Variants in ADGRG6 observed in about 807,000 individuals in gnomAD.
ADGRG6 encodes the protein G-protein coupled receptor 126.
ADGRG6 carries 84 observed loss-of-function variants against 142.4 expected under a neutral mutation model. The ratio of observed to expected loss-of-function variants is 0.59; its 90% CI spans 0.49 to 0.71. The LOEUF is 0.71. Ranked by LOEUF, ADGRG6 falls within the 30% of genes least tolerant of loss-of-function variation. The pLI is 0.00. For synonymous variants in ADGRG6, 521 were observed against 520.5 expected (o/e 1.00, Z -0.01); for missense variants, 1,367 against 1,466.6 (o/e 0.93, Z 1.11).
At chr6:142,411,005 T>C (rs2115052552) in intron 17 of ADGRG6, among the ~76,000 whole-genome samples, 1 of 152,258 alleles carries the variant, frequency 6.6e-6, no homozygotes, top group African/African-American at 2.4e-5. Context: ...TGAGTCTTCT[T>C]TTTGTGGAAG....
intron 18 of ADGRG6, among the ~76,000 whole-genome samples, chr6:142,412,385 C>T (rs144540128): frequency 2.4e-4 from 37 of 152,204 alleles, no homozygotes; most frequent in Admixed American, 9.8e-4. Context: ...TGTTTATTCC[C>T]GCCTTTAAAT....
chr6:142,413,904 C>CACACACAA (rs1361383508), intron 18 of ADGRG6, among the ~76,000 whole-genome samples: 2 of 126,304 alleles, frequency 1.6e-5, no homozygotes, highest in African/African-American at 7.7e-5. Context: ...CTTTATCACA[C>CACACACAA]ACACACACAC....
Position 142,351,037 on chromosome 6 carries a change from C to T in ADGRG6, c.104-16532C>T, listed in dbSNP as rs1780147056. Among the ~76,000 whole-genome samples, 4 of 152,050 alleles carry T rather than the reference C, an allele frequency of 2.6e-5. No homozygotes were observed. The South Asian group carries it at 8.3e-4, about 32-fold the overall frequency. On this transcript the variant is annotated intron_variant, in intron 2 of 24. Transcript: ENST00000367609. ...GATCACGAGGTCAGGAGATTGAGAC[C>T]ATCCTGGCTAACACGGTGAAACCCC...
chr6:142,409,895 G>T lies in ADGRG6; in HGVS notation c.2410G>T (p.Ala804Ser). The change falls in exon 17 of 25, where the codon GCC becomes TCC. Residue 804 changes from alanine to serine, a missense_variant. By Grantham distance (99) the Ala-to-Ser change is moderately conservative. Transcript: ENST00000367609. ...RTQEVHHPIC[A>S]FWDLNKNKSF... ...ATAGGAAGTGCATCATCCCATCTGT[G>T]CCTTCTGGGATCTGAACAAAAACAG... 1 of 1,492,200 alleles carries T rather than the reference G, an allele frequency of 6.7e-7. No individual in the cohort carries two copies. The highest frequency in any genetic ancestry group is 9.2e-7 in the Non-Finnish European group (1 of 1,082,878). 92.4% of individuals were successfully genotyped at this position (1,492,200 alleles called of 1,614,324 possible). A position where few individuals can be genotyped will look rare whatever the true frequency, so the allele number is the denominator to read the frequency against.
At chr6:142,384,477 C>T (rs984485614) in intron 6 of ADGRG6, among the ~76,000 whole-genome samples, 7 of 151,960 alleles carry the variant, frequency 4.6e-5, no homozygotes, top group Non-Finnish European at 7.4e-5. Flanking sequence ...CAGCAGTGTA[C>T]GGTAAGAAAT....
intron 2 of ADGRG6, among the ~76,000 whole-genome samples, chr6:142,328,987 A>C (rs1371280533): frequency 6.6e-6 from 1 of 152,136 alleles, no homozygotes; most frequent in Non-Finnish European, 1.5e-5. Context: ...AGTAGAGTAT[A>C]ATGGTTCAGT....
At chr6:142,431,094 G>GTT (rs35467593) in intron 22 of ADGRG6, among the ~76,000 whole-genome samples, 121 of 147,806 alleles carry the variant, frequency 8.2e-4, no homozygotes, top group African/African-American at 1.8e-3. Context: ...CACAATTACA[G>GTT]TTTTTTTTTT....
intron 10 of ADGRG6, among the ~76,000 whole-genome samples, chr6:142,400,137 G>T (rs1250080945): frequency 1.3e-5 from 2 of 152,070 alleles, no homozygotes; most frequent in Non-Finnish European, 2.9e-5. Flanking sequence ...AATTTTTCAG[G>T]ATTGTTTTCC....
intron 18 of ADGRG6, among the ~76,000 whole-genome samples, chr6:142,413,291 T>C (rs1383339162): frequency 6.6e-6 from 1 of 152,160 alleles, no homozygotes; most frequent in Non-Finnish European, 1.5e-5. Flanking sequence ...CAGTTCACCA[T>C]ATGAGATGCT....
intron 2 of ADGRG6, among the ~76,000 whole-genome samples, chr6:142,322,341 G>C (rs1562310719): frequency 6.6e-6 from 1 of 151,968 alleles, no homozygotes. Flanking sequence ...TTGAGGCTGT[G>C]GTGAGCCATG....
At chr6:142,443,312 T>G in intron 24 of ADGRG6, 25 bp from the exon 25 acceptor site, 1 of 1,583,804 alleles carries the variant, frequency 6.3e-7, no homozygotes, top group South Asian at 1.1e-5. Flanking sequence ...ATCTTGAACC[T>G]AATTTCTTGT....
At chr6:142,387,150 C>T (rs1352806984) in intron 6 of ADGRG6, among the ~76,000 whole-genome samples, 1 of 152,148 alleles carries the variant, frequency 6.6e-6, no homozygotes, top group Admixed American at 6.6e-5. Flanking sequence ...TCTGGGGATT[C>T]CCACAAATAA....
At chr6:142,321,214 A>G (rs1449456957) in intron 2 of ADGRG6, among the ~76,000 whole-genome samples, 1 of 151,796 alleles carries the variant, frequency 6.6e-6, no homozygotes, top group African/African-American at 2.4e-5. Context: ...GCAAGATAGC[A>G]ATCTGCATGC....
chr6:142,326,812 G>A (rs921395996), intron 2 of ADGRG6, among the ~76,000 whole-genome samples: 1 of 151,948 alleles, frequency 6.6e-6, no homozygotes, highest in Admixed American at 6.6e-5. Context: ...TGTGTGGAGG[G>A]GCATGAGTGA....
At chr6:142,329,960 A>G (rs1778964432) in intron 2 of ADGRG6, among the ~76,000 whole-genome samples, 1 of 152,144 alleles carries the variant, frequency 6.6e-6, no homozygotes, top group Non-Finnish European at 1.5e-5. Flanking sequence ...CAGCCCATAT[A>G]TAGCCTGCAG....
chr6:142,441,674 T>G, intron 24 of ADGRG6, among the ~76,000 whole-genome samples: 1 of 152,228 alleles, frequency 6.6e-6, no homozygotes, highest in Non-Finnish European at 1.5e-5. Context: ...TTGATATCTC[T>G]CTGAGGATAT....
At chr6:142,432,480 C>G (rs1255461174) in intron 22 of ADGRG6, among the ~76,000 whole-genome samples, 1 of 152,042 alleles carries the variant, frequency 6.6e-6, no homozygotes, top group Non-Finnish European at 1.5e-5. Flanking sequence ...CCTAAGAATT[C>G]TAATTTGTTA....
At chr6:142,398,781 TAC>T (rs1187064161) in intron 10 of ADGRG6, among the ~76,000 whole-genome samples, 1 of 152,184 alleles carries the variant, frequency 6.6e-6, no homozygotes, top group Non-Finnish European at 1.5e-5. Flanking sequence ...TTTGAGCCTC[TAC>T]TTCATGCTGT....
chr6:142,349,785 A>G (rs1458229753), intron 2 of ADGRG6, among the ~76,000 whole-genome samples: 1 of 152,230 alleles, frequency 6.6e-6, no homozygotes, highest in East Asian at 1.9e-4. Context: ...GAGAGGTTGA[A>G]TAACTTGCCC....
Sources: allele counts gnomAD v4.1 joint callset (sites outside exome capture counted in the v4.1 genomes callset), GRCh38; gene constraint gnomAD v4.1.1; transcripts MANE v1.5; gene names NCBI Gene and HGNC (gene_info 2026-07-23, HGNC 2026-07-21).